CAMTA1: variants seen among roughly 807,000 people sequenced by gnomAD.
CAMTA1 encodes the protein calmodulin-binding transcription activator 1.
A neutral mutation model predicts 170.9 loss-of-function variants in CAMTA1; 27 were observed. The observed-to-expected ratio is 0.16, with a 90% confidence interval of 0.12 to 0.22. CAMTA1 has a LOEUF of 0.22. Among genes scored for constraint, CAMTA1 ranks in the 10% least tolerant of loss-of-function variants. CAMTA1 has a pLI of 1.00. For synonymous variants in CAMTA1, 833 were observed against 891.5 expected (o/e 0.93, Z 1.17); for missense variants, 1,619 against 2,217.2 (o/e 0.73, Z 5.42).
intron 5 of CAMTA1, among the ~76,000 whole-genome samples, chr1:7,315,807 G>A (rs528516041): frequency 2.6e-5 from 4 of 152,080 alleles, no homozygotes; most frequent in African/African-American, 4.8e-5. Flanking sequence ...TTATAGATGC[G>A]TCACTGCACT....
chr1:7,451,770 C>T (rs2092830316), intron 5 of CAMTA1, among the ~76,000 whole-genome samples: 1 of 152,170 alleles, frequency 6.6e-6, no homozygotes, highest in African/African-American at 2.4e-5. Context: ...AGGGTTCTCA[C>T]CCAACCAGAA....
intron 3 of CAMTA1, among the ~76,000 whole-genome samples, chr1:6,979,185 C>A (rs1395448670): frequency 6.6e-6 from 1 of 152,102 alleles, no homozygotes; most frequent in Admixed American, 6.5e-5. Flanking sequence ...AGGGGTGGAC[C>A]AGGCCTGGCA....
chr1:7,274,220 C>G (rs1486000911), intron 5 of CAMTA1, among the ~76,000 whole-genome samples: 1 of 151,936 alleles, frequency 6.6e-6, no homozygotes, highest in Non-Finnish European at 1.5e-5. Context: ...ACAAGAAACA[C>G]TTTAATAATA....
chr1:7,736,584 C>A lies in CAMTA1; in HGVS notation c.3263+44C>A. Reference sequence around the variant, plus strand: ...TGGCTGGGGGTCAGCCTCGCACATCCTCGCTCACATTCTTCCTGAGCACTG... The same window carrying A: ...TGGCTGGGGGTCAGCCTCGCACATCATCGCTCACATTCTTCCTGAGCACTG... On this transcript the variant is annotated intron_variant, in intron 13 of 22. Transcript: ENST00000303635. The surrounding 1 kb of genome is among the most constrained non-coding windows in gnomAD (Gnocchi z 4.5). 6.4e-7 allele frequency: 1 copy of A among 1,571,224 alleles called. No homozygotes were observed. Among genetic ancestry groups the A allele is most frequent in the South Asian group, 1.1e-5 (1 of 90,006 alleles).
At chr1:7,569,837 G>C (rs1245742237) in intron 6 of CAMTA1, among the ~76,000 whole-genome samples, 1 of 151,882 alleles carries the variant, frequency 6.6e-6, no homozygotes, top group Non-Finnish European at 1.5e-5. Context: ...TATTATTACT[G>C]TACCACCCAG....
rs117438917 is a variant in CAMTA1, at chr1:7,544,064, G to A, written c.510+76163G>A. ...AATCATGTAGCCCATCTTGGTTGGT[G>A]TATTAGTCTGTTTTCATGCTGCTGA... On this transcript the variant is annotated intron_variant, in intron 6 of 22. Transcript: ENST00000303635. Among the ~76,000 whole-genome samples, 580 of 152,288 alleles carry A rather than the reference G, an allele frequency of 3.8e-3. 8 individuals are homozygous for A. In the East Asian group the frequency reaches 0.051, roughly 13 times the overall value.
chr1:6,920,465 A>T (rs1228809118), intron 3 of CAMTA1, among the ~76,000 whole-genome samples: 1 of 152,130 alleles, frequency 6.6e-6, no homozygotes, highest in African/African-American at 2.4e-5. Flanking sequence ...GCACTGTGCA[A>T]ACTGTCAGTG....
At chr1:7,206,266 C>G (rs1167893241) in intron 4 of CAMTA1, among the ~76,000 whole-genome samples, 1 of 152,192 alleles carries the variant, frequency 6.6e-6, no homozygotes, top group Admixed American at 6.5e-5. Context: ...GGAGAACTGG[C>G]ATTGTGATGA....
At chr1:7,613,497 C>A (rs576542109) in intron 6 of CAMTA1, among the ~76,000 whole-genome samples, 27 of 152,262 alleles carry the variant, frequency 1.8e-4, no homozygotes, top group Admixed American at 5.2e-4. Flanking sequence ...GGAAAAGATG[C>A]ACGGAGGCGC....
At chr1:7,622,094 T>G (rs867294099) in intron 6 of CAMTA1, among the ~76,000 whole-genome samples, 1 of 152,058 alleles carries the variant, frequency 6.6e-6, no homozygotes, top group Non-Finnish European at 1.5e-5. Context: ...CCTGGAGGTA[T>G]GGGGGGAGGA....
Position 7,685,239 on chromosome 1 carries a change from T to C in CAMTA1, c.2914+7506T>C, listed in dbSNP as rs554333569. On this transcript the variant is annotated intron_variant, in intron 11 of 22. Coordinates refer to ENST00000303635, the MANE Select transcript of CAMTA1 (RefSeq NM_015215.4). This position sits in a 1 kb window ranked among gnomAD's most constrained non-coding sequence, Gnocchi z 5.7. ...CAGTGTTTATTGAGCATTTACTATA[T>C]ACACAGCAATACGTATTTAGGGAAG... is the stretch of plus-strand genomic sequence containing the variant. Among the ~76,000 whole-genome samples, 9 of 152,284 alleles carry C rather than the reference T, an allele frequency of 5.9e-5. No homozygotes were observed. Among genetic ancestry groups the C allele is most frequent in the African/African-American group, 1.9e-4 (8 of 41,550 alleles).
In CAMTA1 at chr1:7,747,916, TTTTA is replaced by T; in HGVS notation, c.4689+139_4689+142del. Reference sequence around the variant, plus strand: ...ATTTGTTTTTTGGTTGTTTTTTTTTTTTTATTTTTTTTTTGAAACGGAGTCTGGC... The same window carrying T: ...ATTTGTTTTTTGGTTGTTTTTTTTTTTTTTTTTTTTGAAACGGAGTCTGGC... On this transcript the variant is annotated intron_variant, in intron 19 of 22. Coordinates refer to ENST00000303635, the MANE Select transcript of CAMTA1 (RefSeq NM_015215.4). 8.7e-6 allele frequency: 5 copies of T among 574,340 alleles called. No homozygotes were observed. In the East Asian group the frequency reaches 1.3e-4, roughly 15 times the overall value. 35.6% of individuals were successfully genotyped at this position (574,340 alleles called of 1,614,324 possible). A position where few individuals can be genotyped will look rare whatever the true frequency, so the allele number is the denominator to read the frequency against.
At chr1:7,594,980 C>A (rs552621156) in intron 6 of CAMTA1, among the ~76,000 whole-genome samples, 2 of 152,210 alleles carry the variant, frequency 1.3e-5, no homozygotes, top group East Asian at 3.9e-4. Flanking sequence ...AAGGGTCAGG[C>A]GATGGGGGAT....
chr1:7,130,907 T>C (rs569001647), intron 4 of CAMTA1, among the ~76,000 whole-genome samples: 33 of 152,346 alleles, frequency 2.2e-4, no homozygotes, highest in African/African-American at 7.7e-4. Flanking sequence ...GAATTCTTTG[T>C]TGGATATATA....
At chr1:7,098,099 T>TTGTG (rs61519330) in intron 4 of CAMTA1, among the ~76,000 whole-genome samples, 79,653 of 150,734 alleles carry the variant, frequency 0.53, 21,444 homozygotes, top group Middle Eastern at 0.61. Flanking sequence ...GGTGGACGAA[T>TTGTG]TGTGTGTGTG....
At chr1:7,243,861 A>T (rs1182967435) in intron 4 of CAMTA1, among the ~76,000 whole-genome samples, 1 of 152,248 alleles carries the variant, frequency 6.6e-6, no homozygotes, top group Admixed American at 6.5e-5. Context: ...CACCAAAAGC[A>T]ATGGCAACAA....
Position 7,565,169 on chromosome 1 carries a change from CT to C in CAMTA1, c.511-75229del, listed in dbSNP as rs1162758425. Among the ~76,000 whole-genome samples the C allele has an allele frequency of 6.6e-6, 1 of 152,134 alleles. No homozygotes were observed. The highest frequency in any genetic ancestry group is 2.4e-5 in the African/African-American group (1 of 41,436). On this transcript the variant is annotated intron_variant, in intron 6 of 22. Transcript: ENST00000303635. This position sits in a 1 kb window ranked among gnomAD's most constrained non-coding sequence, Gnocchi z 4.5. ...ATACCCCTCACACCCCCACCCTCCA[CT>C]TGCCAGCCGATCACTGGGGCAGAAG...
At chr1:7,544,836 C>T (rs893478087) in intron 6 of CAMTA1, among the ~76,000 whole-genome samples, 5 of 152,104 alleles carry the variant, frequency 3.3e-5, no homozygotes, top group South Asian at 4.1e-4. Context: ...AGAGAGAAAC[C>T]GAAGAAGCCA....
At chr1:7,650,611 C>T (rs142442051) in intron 7 of CAMTA1, among the ~76,000 whole-genome samples, 4 of 152,308 alleles carry the variant, frequency 2.6e-5, no homozygotes, top group East Asian at 1.9e-4. Context: ...GCCCCAACAG[C>T]GAGCACCAGA....
Sources: gnomAD v4.1 joint callset for allele counts (sites outside exome capture counted in the v4.1 genomes callset) on GRCh38, gnomAD v4.1.1 for gene constraint, Gnocchi (gnomAD v3.1) non-coding constraint, MANE v1.5 for transcripts, NCBI Gene and HGNC (gene_info 2026-07-23, HGNC 2026-07-21) for gene names.